SOX6: variants seen among roughly 807,000 people sequenced by gnomAD.
The protein encoded by SOX6 is transcription factor SOX-6.
A neutral mutation model predicts 97.8 loss-of-function variants in SOX6; 11 were observed. The ratio of observed to expected loss-of-function variants is 0.11; its 90% CI spans 0.07 to 0.19. The LOEUF is 0.19. Among genes scored for constraint, SOX6 ranks in the 10% least tolerant of loss-of-function variants. SOX6 has a pLI of 1.00. For synonymous variants in SOX6, 360 were observed against 371.4 expected (o/e 0.97, Z 0.35); for missense variants, 810 against 1,039.5 (o/e 0.78, Z 3.04).
Position 16,214,422 on chromosome 11 carries a change from T to C in SOX6, c.535+20160A>G, listed in dbSNP as rs531412861. Among the ~76,000 whole-genome samples, 5 of 152,302 alleles carry C rather than the reference T, an allele frequency of 3.3e-5. No homozygotes were observed. In the East Asian group the frequency reaches 7.7e-4, roughly 24 times the overall value. On this transcript the variant is annotated intron_variant, in intron 4 of 15. Transcript: ENST00000683767. ...GTCCTTCTGCATCTTATACGCTGAC[T>C]CATTTTTAACAGAGCTTACTTTTTG...
At chr11:16,200,498 T>C (rs1468963999) in intron 4 of SOX6, among the ~76,000 whole-genome samples, 1 of 152,242 alleles carries the variant, frequency 6.6e-6, no homozygotes, top group East Asian at 1.9e-4. Flanking sequence ...AAAGTGCTCA[T>C]TGACTTTCTA....
intron 1 of SOX6, among the ~76,000 whole-genome samples, chr11:16,398,790 C>T (rs1858445106): frequency 1.4e-5 from 2 of 144,230 alleles, no homozygotes; most frequent in Admixed American, 7.2e-5. Context: ...TGTTCATAAC[C>T]AGAATTAAGG....
intron 4 of SOX6, among the ~76,000 whole-genome samples, chr11:16,566,336 A>G (rs531565877): frequency 8.5e-5 from 13 of 152,324 alleles, no homozygotes; most frequent in African/African-American, 2.9e-4. Flanking sequence ...TGAAGATACA[A>G]AAACAATGCT....
At chr11:16,567,009 G>T in intron 4 of SOX6, among the ~76,000 whole-genome samples, 1 of 152,220 alleles carries the variant, frequency 6.6e-6, no homozygotes, top group Non-Finnish European at 1.5e-5. Flanking sequence ...ATGAAGTGCA[G>T]ATGGGACATC....
At chr11:16,443,286 A>T (rs1859542271) in intron 1 of SOX6, among the ~76,000 whole-genome samples, 1 of 152,192 alleles carries the variant, frequency 6.6e-6, no homozygotes, top group South Asian at 2.1e-4. Context: ...TCTACATTAG[A>T]GTTTTAAGTT....
chr11:16,143,467 C>T (rs1179126464), intron 6 of SOX6, among the ~76,000 whole-genome samples: 1 of 152,170 alleles, frequency 6.6e-6, no homozygotes, highest in Non-Finnish European at 1.5e-5. Context: ...AACCAGCTAA[C>T]ATCATAATGA....
At chr11:16,534,984 T>C (rs1192323792) in intron 4 of SOX6, among the ~76,000 whole-genome samples, 2 of 152,312 alleles carry the variant, frequency 1.3e-5, no homozygotes, top group Non-Finnish European at 2.9e-5. Context: ...ATTGACTAGT[T>C]AGGAATTATC....
chr11:16,177,799 C>T (rs1365278033), intron 6 of SOX6, among the ~76,000 whole-genome samples: 2 of 151,854 alleles, frequency 1.3e-5, no homozygotes, highest in African/African-American at 2.4e-5. Flanking sequence ...ATGTCACATG[C>T]TGGCCTCACC....
chr11:16,583,604 T>C (rs1260665180), intron 4 of SOX6, among the ~76,000 whole-genome samples: 2 of 88,458 alleles, frequency 2.3e-5, no homozygotes, highest in African/African-American at 8.0e-5. Flanking sequence ...TATATATGTG[T>C]ATATATATAC....
chr11:16,277,919 A>G (rs1335496758), intron 3 of SOX6, among the ~76,000 whole-genome samples: 1 of 152,014 alleles, frequency 6.6e-6, no homozygotes, highest in Non-Finnish European at 1.5e-5. Flanking sequence ...TTTACAAAGT[A>G]AGAATAGTAT....
chr11:16,445,084 C>A (rs1412607934), intron 1 of SOX6, among the ~76,000 whole-genome samples: 1 of 152,086 alleles, frequency 6.6e-6, no homozygotes, highest in African/African-American at 2.4e-5. Context: ...GGAAGTAATA[C>A]CTTGATAGCA....
intron 3 of SOX6, among the ~76,000 whole-genome samples, chr11:16,287,294 T>A (rs61883176): frequency 0.39 from 43,005 of 111,694 alleles, 6,927 homozygotes; most frequent in Admixed American, 0.46. Context: ...TCTCTCTCTC[T>A]CTCTCACACA....
intron 4 of SOX6, among the ~76,000 whole-genome samples, chr11:16,499,256 C>G (rs1205752066): frequency 2.0e-5 from 3 of 152,078 alleles, no homozygotes; most frequent in Non-Finnish European, 1.5e-5. Context: ...TTCTTTGAAA[C>G]CAACGAGAAC....
At chr11:16,626,042 G>A (rs1415414616) in intron 3 of SOX6, among the ~76,000 whole-genome samples, 2 of 152,084 alleles carry the variant, frequency 1.3e-5, no homozygotes, top group East Asian at 3.9e-4. Flanking sequence ...CAGTTTTTTG[G>A]GATTGAACTC....
chr11:16,583,618 T>TATATATATATATATATATAC (rs1848056798), intron 4 of SOX6, among the ~76,000 whole-genome samples: 1 of 126,012 alleles, frequency 7.9e-6, no homozygotes. Context: ...TATATACATA[T>TATATATATATATATATATAC]ATATATATAT....
intron 13 of SOX6, among the ~76,000 whole-genome samples, chr11:16,013,526 C>T (rs1854792847): frequency 6.6e-6 from 1 of 151,984 alleles, no homozygotes; most frequent in Non-Finnish European, 1.5e-5. Context: ...GATACACATT[C>T]TTCAAGGAAG....
chr11:16,390,328 CT>C (rs1858133081), intron 1 of SOX6, among the ~76,000 whole-genome samples: 1 of 152,136 alleles, frequency 6.6e-6, no homozygotes, highest in African/African-American at 2.4e-5. Context: ...TACCCAGTTT[CT>C]TTCCCTGCAT....
intron 4 of SOX6, among the ~76,000 whole-genome samples, chr11:16,528,596 T>C (rs1331764304): frequency 1.3e-5 from 2 of 152,066 alleles, no homozygotes; most frequent in African/African-American, 2.4e-5. Context: ...CAGATTTCAA[T>C]AGGTAACCTT....
At chr11:15,975,907 A>C (rs1414245892) in intron 15 of SOX6, among the ~76,000 whole-genome samples, 1 of 152,206 alleles carries the variant, frequency 6.6e-6, no homozygotes, top group Non-Finnish European at 1.5e-5. Context: ...TTTGGACTTT[A>C]AGCTGGTAAT....
Sources: allele counts gnomAD v4.1 joint callset (sites outside exome capture counted in the v4.1 genomes callset), GRCh38; gene constraint gnomAD v4.1.1; transcripts MANE v1.5; gene names NCBI Gene and HGNC (gene_info 2026-07-23, HGNC 2026-07-21).